The following HMCN2 variants were observed in gnomAD, a reference collection of about 807,000 sequenced individuals.
HMCN2 encodes hemicentin-2.
Under a neutral mutation model 377.5 loss-of-function variants are expected in HMCN2, and 325 were observed. The observed-to-expected ratio is 0.86, with a 90% CI of 0.79 to 0.94. The LOEUF is 0.94. Among genes scored for constraint, HMCN2 ranks in the 40% least tolerant of loss-of-function variants. The pLI, the probability that HMCN2 is intolerant of heterozygous loss-of-function variation, is 0.00. For synonymous variants in HMCN2, 2,007 were observed against 2,046.8 expected, an observed-to-expected ratio of 0.98 and a Z score of 0.53; for missense variants, 4,543 against 4,725.3, an observed-to-expected ratio of 0.96 and a Z score of 1.13.
At position 130,429,181 on chromosome 9, in the gene HMCN2, A is replaced by G. The variant is rs190294596; in HGVS notation, c.14198-376A>G. Reference sequence around the variant, plus strand: ...TCTCACCACTTTCTTAGCTCTTCCCACATACCAGGCTCCCCTCCTCACCAC... The same window carrying G: ...TCTCACCACTTTCTTAGCTCTTCCCGCATACCAGGCTCCCCTCCTCACCAC... On this transcript the variant is annotated intron_variant, in intron 93 of 97. Coordinates refer to ENST00000683500, the MANE Select transcript of HMCN2 (RefSeq NM_001291815.2). 1.4e-5 allele frequency: 3 copies of G among 213,806 alleles called. No homozygotes were observed. The East Asian group carries it at 3.9e-4, about 28-fold the overall frequency. 13.2% of individuals were successfully genotyped at this position (213,806 alleles called of 1,614,324 possible).
At position 130,304,817 on chromosome 9, in the gene HMCN2, C is replaced by G. The variant is rs782218708; in HGVS notation, c.1631C>G (p.Ala544Gly). Residue 544 changes from alanine (A) to glycine (G), a missense_variant, in exon 11 of 98, where the codon GCC (alanine) becomes GGC (glycine). Coordinates refer to ENST00000683500, the MANE Select transcript of HMCN2 (RefSeq NM_001291815.2). The surrounding 1 kb of genome is among the most constrained non-coding windows in gnomAD (Gnocchi z 4.3). ...AVLSCRVLGE[A>G]PYNLTWVRDW... ...CTATCCTGCCGGGTCCTAGGCGAGG[C>G]CCCCTACAACCTGACGTGGGTCCGG... 8.5e-6 allele frequency: 4 copies of G among 471,022 alleles called. No individual in the cohort carries two copies. Among genetic ancestry groups the G allele is most frequent in the Non-Finnish European group, 1.3e-5 (3 of 227,064 alleles). 29.2% of individuals were successfully genotyped at this position (471,022 alleles called of 1,614,324 possible).
chr9:130,339,096 G>C (rs2131467969), intron 23 of HMCN2, among the ~76,000 whole-genome samples: 1 of 152,302 alleles, frequency 6.6e-6, no homozygotes, highest in South Asian at 2.1e-4. Flanking sequence ...GCTGAGGTGG[G>C]AAGATAGCTT....
intron 1 of HMCN2, among the ~76,000 whole-genome samples, chr9:130,277,754 TCATCATCATCACCACCAC>T (rs1564739293): frequency 7.1e-5 from 8 of 113,276 alleles, no homozygotes; most frequent in African/African-American, 2.0e-4. Flanking sequence ...ACCACCACCA[TCATCATCATCACCACCAC>T]CATCATCATC....
chr9:130,309,036 A>C (rs1416925251), intron 14 of HMCN2, among the ~76,000 whole-genome samples: 3 of 152,284 alleles, frequency 2.0e-5, no homozygotes, highest in Admixed American at 6.5e-5. Flanking sequence ...GCCACACAAC[A>C]GTGTGAATGC....
rs1288314739 is a variant in HMCN2, at chr9:130,325,075, T to TTTC, written c.2921-499_2921-497dup. On this transcript the variant is annotated intron_variant, in intron 19 of 97. Coordinates refer to ENST00000683500, the MANE Select transcript of HMCN2 (RefSeq NM_001291815.2). ...GGCAACCACTGATCTAGTTTTGTCT[T>TTTC]TTCTTCTTCTTCTTCTTCTTCTTTT... 1.1e-3 allele frequency among the ~76,000 whole-genome samples: 145 copies of TTTC among 133,402 alleles called. No individual in the cohort carries two copies. In the Middle Eastern group the frequency reaches 0.015, roughly 14 times the overall value. 87.5% of individuals were successfully genotyped at this position (133,402 alleles called of 152,430 possible). A position where few individuals can be genotyped will look rare whatever the true frequency, so the allele number is the denominator to read the frequency against.
chr9:130,404,784 G>T (rs78687626), intron 80 of HMCN2, 85 bp from the exon 81 acceptor site: 5 of 982,020 alleles, frequency 5.1e-6, no homozygotes, highest in Non-Finnish European at 6.6e-6. Flanking sequence ...AGGGCTGAAG[G>T]GCTGGGCCAA....
chr9:130,355,011 G>A lies in HMCN2; in HGVS notation c.5113G>A (p.Glu1705Lys). ...YSCVASSPAGEAVLQYSVEVQ... is the reference protein window; with the variant it reads ...YSCVASSPAGKAVLQYSVEVQ... The stretch of plus-strand genomic sequence containing the variant: ...CTGTGTGGCCAGCAGTCCTGCCGGG[G>A]AAGCCGTCCTGCAGTACTCCGTGGA... Residue 1705 changes from glutamate (E) to lysine (K), a missense_variant, in exon 32 of 98, where the codon GAA (glutamate) becomes AAA (lysine). Glu to Lys is a moderately conservative substitution (Grantham distance 56). Coordinates refer to ENST00000683500, the MANE Select transcript of HMCN2 (RefSeq NM_001291815.2). 1 of 1,292,502 alleles carries A rather than the reference G, an allele frequency of 7.7e-7. No homozygotes were observed. The highest frequency in any genetic ancestry group is 1.0e-6 in the Non-Finnish European group (1 of 988,268). The allele number at this position is 1,292,502 out of a possible 1,614,324, so 80.1% of individuals were successfully genotyped here.
Position 130,382,050 on chromosome 9 carries a change from C to T in HMCN2, c.8432-134C>T, listed in dbSNP as rs372090641. Reference sequence around the variant, plus strand: ...CACCCGTGAGCTGGGCAGGACAGGCCGATTCTCCTCATTTCACAGATGAGG... The same window carrying T: ...CACCCGTGAGCTGGGCAGGACAGGCTGATTCTCCTCATTTCACAGATGAGG... On this transcript the variant is annotated intron_variant, in intron 54 of 97. Transcript: ENST00000683500. The T allele has an allele frequency of 6.9e-5, 14 of 203,762 alleles. No individual in the cohort carries two copies. In the South Asian group the frequency reaches 1.2e-3, roughly 18 times the overall value. 12.6% of individuals were successfully genotyped at this position (203,762 alleles called of 1,614,324 possible).
chr9:130,305,561 G>A (rs1236766391), intron 11 of HMCN2, among the ~76,000 whole-genome samples: 1 of 152,208 alleles, frequency 6.6e-6, no homozygotes, highest in Non-Finnish European at 1.5e-5. Context: ...CTGCCAGAGT[G>A]TGTTGGGCAG....
rs769609032 is a variant in HMCN2, at chr9:130,427,385, C to T, written c.13942+10C>T. On this transcript the variant is annotated intron_variant, in intron 91 of 97. Transcript: ENST00000683500. Reference sequence around the variant, plus strand: ...GGAGCGTTTTGTGTGGGTGAGCGCCCCCAACCCTGGCATGGATGTGGGAGG... The same window carrying T: ...GGAGCGTTTTGTGTGGGTGAGCGCCTCCAACCCTGGCATGGATGTGGGAGG... 1 of 1,550,506 alleles carries T rather than the reference C, an allele frequency of 6.4e-7. No homozygotes were observed. Among genetic ancestry groups the T allele is most frequent in the South Asian group, 1.2e-5 (1 of 84,064 alleles).
In HMCN2 at chr9:130,354,870, C is replaced by T. The variant is rs1010494412; in HGVS notation, c.4972C>T (p.Leu1658Phe). 32 of 1,304,190 alleles carry T rather than the reference C, an allele frequency of 2.5e-5. No homozygotes were observed. Among genetic ancestry groups the T allele is most frequent in the Non-Finnish European group, 3.0e-5 (30 of 988,952 alleles). 80.8% of individuals were successfully genotyped at this position (1,304,190 alleles called of 1,614,324 possible). A position where few individuals can be genotyped will look rare whatever the true frequency, so the allele number is the denominator to read the frequency against. ...GGCCAGAGGCCACCCGTCCCCCACC[C>T]TCTCCTGGCACCACGAGGGGCTGCC... ...CVARGHPSPT[L>F]SWHHEGLPVA... is the part of the protein sequence containing the mutation. Residue 1658 changes from leucine to phenylalanine, a missense_variant, in exon 32 of 98, where the codon CTC becomes TTC. Physicochemically the swap from Leu to Phe is conservative, Grantham distance 22. Around this residue, in one of 5 missense-constraint regions of HMCN2, gnomAD observed 1,032 missense variants for 1,285.1 expected, o/e 0.80. Transcript: ENST00000683500.
chr9:130,286,335 C>T (rs1554927739), intron 4 of HMCN2, 25 bp downstream of exon 4: 1 of 470,014 alleles, frequency 2.1e-6, no homozygotes, highest in African/African-American at 2.0e-5. Flanking sequence ...GGGGCACCAT[C>T]CCGGAGCCCA....
At chr9:130,296,926 C>T in intron 7 of HMCN2, 132 bp downstream of exon 7, 1 of 377,342 alleles carries the variant, frequency 2.7e-6, no homozygotes, top group South Asian at 1.9e-5. Context: ...CTGCAGGAGG[C>T]CAAGTGGGAC....
chr9:130,331,751 GT>G (rs1838440678), intron 22 of HMCN2, among the ~76,000 whole-genome samples: 1 of 152,162 alleles, frequency 6.6e-6, no homozygotes, highest in Non-Finnish European at 1.5e-5. Context: ...AGGCAACAAT[GT>G]TTGTTTGGGA....
intron 89 of HMCN2, 48 bp downstream of exon 89, chr9:130,425,178 C>T (rs535004901): frequency 1.6e-4 from 233 of 1,485,368 alleles, no homozygotes; most frequent in Non-Finnish European, 2.0e-4. Context: ...GTGAGAGAGA[C>T]GAAGGTGCCC....
In HMCN2 at chr9:130,382,523, C is replaced by T. The variant is rs561454315; in HGVS notation, c.8546-156C>T. On this transcript the variant is annotated intron_variant, in intron 55 of 97. Coordinates refer to ENST00000683500, the MANE Select transcript of HMCN2 (RefSeq NM_001291815.2). Reference sequence around the variant, plus strand: ...CAAATCACAACCCTTTCTGTGCCCCCGATTCCTTAGCTGCATCAGGGATTG... The same window carrying T: ...CAAATCACAACCCTTTCTGTGCCCCTGATTCCTTAGCTGCATCAGGGATTG... 3.3e-5 allele frequency among the ~76,000 whole-genome samples: 5 copies of T among 152,282 alleles called. No homozygotes were observed. The East Asian group carries it at 5.8e-4, about 18-fold the overall frequency.
intron 80 of HMCN2, among the ~76,000 whole-genome samples, chr9:130,404,402 C>T (rs1842990059): frequency 6.6e-6 from 1 of 152,278 alleles, no homozygotes; most frequent in African/African-American, 2.4e-5. Context: ...TCTTGTCCAG[C>T]GTGCTCCTCT....
rs1203395884 is a variant in HMCN2, at chr9:130,429,400, G to C, written c.14198-157G>C. On this transcript the variant is annotated intron_variant, in intron 93 of 97. Transcript: ENST00000683500. Reference sequence around the variant, plus strand: ...TGTTGACCTCCAACCTGGTATAACTGGGGGAGGTGCTGTGAGGGCGGCCAT... The same window carrying C: ...TGTTGACCTCCAACCTGGTATAACTCGGGGAGGTGCTGTGAGGGCGGCCAT... The C allele has an allele frequency of 8.3e-6, 7 of 840,354 alleles. No individual in the cohort carries two copies. The Admixed American group carries it at 1.9e-4, about 23-fold the overall frequency. 52.1% of individuals were successfully genotyped at this position (840,354 alleles called of 1,614,324 possible).
chr9:130,292,156 G>A (rs1835816387), intron 4 of HMCN2, among the ~76,000 whole-genome samples: 3 of 152,126 alleles, frequency 2.0e-5, no homozygotes, highest in Admixed American at 2.0e-4. Context: ...CACACCGGGA[G>A]GCAAATAGTG....
Sources: gnomAD v4.1 joint callset for allele counts (sites outside exome capture counted in the v4.1 genomes callset) on GRCh38, gnomAD v4.1.1 for gene constraint, gnomAD v4.1.1 regional missense constraint, Gnocchi (gnomAD v3.1) non-coding constraint, MANE v1.5 for transcripts, NCBI Gene and HGNC (gene_info 2026-07-23, HGNC 2026-07-21) for gene names.